XPR1: variants seen among roughly 807,000 people sequenced by gnomAD.
The protein encoded by XPR1 is solute carrier family 53 member 1.
In XPR1, 28 loss-of-function variants were observed where a neutral mutation model predicts 87.5. The ratio of observed to expected loss-of-function variants is 0.32; its 90% CI spans 0.24 to 0.44. XPR1 has a LOEUF of 0.44. XPR1 is among the 20% of genes least tolerant of loss of function. XPR1 has a pLI of 1.00. For missense variants in XPR1, 559 were observed against 862.3 expected (o/e 0.65, Z 4.41); for synonymous variants, 300 against 306.1 (o/e 0.98, Z 0.21).
intron 1 of XPR1, among the ~76,000 whole-genome samples, chr1:180,670,547 T>C (rs1656133837): frequency 6.6e-6 from 1 of 152,220 alleles, no homozygotes; most frequent in South Asian, 2.1e-4. Flanking sequence ...AAAATTACAT[T>C]TTTATATACT....
chr1:180,839,592 C>T (rs1651433808), intron 11 of XPR1, among the ~76,000 whole-genome samples: 1 of 152,016 alleles, frequency 6.6e-6, no homozygotes. Context: ...ACTCCTCTAC[C>T]CTCTTAAGTA....
At position 180,853,563 on chromosome 1, in the gene XPR1, G is replaced by T. The variant is rs144200868; in HGVS notation, c.1502-10145G>T. On this transcript the variant is annotated intron_variant, in intron 11 of 14. Transcript: ENST00000367590. ...AAGTTTGAGATCTTCCTTGTTCTTT[G>T]TATGACTAGTGATTTTTTTAATTGA... Among the ~76,000 whole-genome samples the T allele has an allele frequency of 9.6e-4, 144 of 150,314 alleles. 1 individual carries two copies. Among genetic ancestry groups the T allele is most frequent in the Middle Eastern group, 3.4e-3 (1 of 292 alleles).
intron 11 of XPR1, among the ~76,000 whole-genome samples, chr1:180,847,099 T>C (rs1651712132): frequency 6.6e-6 from 1 of 152,090 alleles, no homozygotes; most frequent in Non-Finnish European, 1.5e-5. Flanking sequence ...GAAGTAAATA[T>C]CTCCCAAAGT....
chr1:180,825,264 T>C lies in XPR1; in HGVS notation c.1054T>C (p.Tyr352His). The C allele has an allele frequency of 6.2e-7, 1 of 1,614,092 alleles. No individual in the cohort carries two copies. The highest frequency in any genetic ancestry group is 8.5e-7 in the Non-Finnish European group (1 of 1,179,978). ...CACATATGTGTATCCACTTGCCCTT[T>C]ATGGATTTATGGTTTTCTTCCTTAT... ...IPTYVYPLAL[Y>H]GFMVFFLINP... The change falls in exon 9 of 15, where the codon TAT becomes CAT. Residue 352 changes from tyrosine to histidine, a missense_variant. Physicochemically the swap from Tyr to His is moderately conservative, Grantham distance 83 (BLOSUM62 2). Transcript: ENST00000367590.
At chr1:180,856,708 A>ATTTTAG (rs1391977882) in intron 11 of XPR1, among the ~76,000 whole-genome samples, 4 of 152,140 alleles carry the variant, frequency 2.6e-5, no homozygotes, top group African/African-American at 9.7e-5. Flanking sequence ...AGTCCTGCCA[A>ATTTTAG]TTTTAGTTCC....
chr1:180,632,549 C>T (rs1440417671), intron 1 of XPR1, among the ~76,000 whole-genome samples: 2 of 152,122 alleles, frequency 1.3e-5, no homozygotes, highest in Non-Finnish European at 2.9e-5. Context: ...GGCCGGGGAA[C>T]GGTGGGAGGG....
intron 1 of XPR1, among the ~76,000 whole-genome samples, chr1:180,652,684 A>G (rs764101599): frequency 6.6e-6 from 1 of 152,236 alleles, no homozygotes; most frequent in Non-Finnish European, 1.5e-5. Flanking sequence ...TTTGATCAAG[A>G]CAAACCAAAG....
chr1:180,681,314 A>C (rs1656571358), intron 1 of XPR1, among the ~76,000 whole-genome samples: 1 of 152,186 alleles, frequency 6.6e-6, no homozygotes, highest in Non-Finnish European at 1.5e-5. Context: ...ATCACTGTGT[A>C]CCCCAGGCAT....
At chr1:180,808,288 A>C (rs539998571) in intron 6 of XPR1, among the ~76,000 whole-genome samples, 5,124 of 130,272 alleles carry the variant, frequency 0.039, 106 homozygotes, top group Non-Finnish European at 0.056. Flanking sequence ...TCCATATACC[A>C]AAAAAAAAAA....
rs1653151090 is a variant in XPR1, at chr1:180,890,272, C to T, written c.*6206C>T. 6.6e-6 allele frequency: 1 copy of T among 152,194 alleles called. No individual in the cohort carries two copies. The highest frequency in any genetic ancestry group is 6.5e-5 in the Admixed American group (1 of 15,268). The allele number at this position is 152,194 out of a possible 1,614,324, so 9.4% of individuals were successfully genotyped here. On this transcript the variant is annotated 3_prime_UTR_variant, in exon 15 of 15. Transcript: ENST00000367590. ...CAACAGTTTGCTGACTCCTTTGTCACTGGTGAATGGTTTGTGTGACTGTTT... is the reference window on the plus strand; with the variant it reads ...CAACAGTTTGCTGACTCCTTTGTCATTGGTGAATGGTTTGTGTGACTGTTT...
At chr1:180,696,024 G>A (rs1309456619) in intron 2 of XPR1, among the ~76,000 whole-genome samples, 1 of 151,694 alleles carries the variant, frequency 6.6e-6, no homozygotes, top group Non-Finnish European at 1.5e-5. Flanking sequence ...TTTGGGTAGT[G>A]TGGTCATTTT....
intron 2 of XPR1, among the ~76,000 whole-genome samples, chr1:180,684,444 T>C (rs1365165431): frequency 6.6e-6 from 1 of 152,200 alleles, no homozygotes; most frequent in Non-Finnish European, 1.5e-5. Context: ...TTTCTTCTTT[T>C]GGCTTAGGAT....
intron 9 of XPR1, among the ~76,000 whole-genome samples, chr1:180,826,336 G>GCC (rs1445403361): frequency 6.6e-6 from 1 of 151,726 alleles, no homozygotes; most frequent in African/African-American, 2.4e-5. Context: ...GATCCCTTGA[G>GCC]CCCAGGAGTT....
rs34441510 is a variant in XPR1 at position 180,718,669 on chromosome 1, A to ATTTT, written c.121+36272_121+36275dup. Among the ~76,000 whole-genome samples, 680 of 134,814 alleles carry ATTTT rather than the reference A, an allele frequency of 5.0e-3. 14 individuals are homozygous for ATTTT. The highest frequency in any genetic ancestry group is 0.017 in the African/African-American group (614 of 35,906). 88.4% of individuals were successfully genotyped at this position (134,814 alleles called of 152,430 possible). On this transcript the variant is annotated intron_variant, in intron 2 of 14. Coordinates refer to ENST00000367590, the MANE Select transcript of XPR1 (RefSeq NM_004736.4). ...AGAATCTTGGGACTTGAGCATCTGT[A>ATTTT]TTTTTTTTTTTTTTTTTGAGACAGA...
At chr1:180,711,823 G>C (rs748019480) in intron 2 of XPR1, among the ~76,000 whole-genome samples, 153 of 152,226 alleles carry the variant, frequency 1.0e-3, no homozygotes, top group Non-Finnish European at 1.7e-3. Context: ...GCATCTAAAA[G>C]CTCTGTAGTT....
At chr1:180,632,417 G>C in intron 1 of XPR1, 147 bp downstream of exon 1, 1 of 1,006,598 alleles carries the variant, frequency 9.9e-7, no homozygotes, top group Non-Finnish European at 1.5e-6. Flanking sequence ...CGGCATCCCC[G>C]CCGCGGCCGG....
At chr1:180,699,209 C>CTTTTTTTTTTT (rs1168669274) in intron 2 of XPR1, among the ~76,000 whole-genome samples, 2 of 132,584 alleles carry the variant, frequency 1.5e-5, no homozygotes, top group African/African-American at 2.8e-5. Flanking sequence ...TTTATTCTTT[C>CTTTTTTTTTTT]TTTTTTTTTT....
At chr1:180,812,171 G>A (rs888724951) in intron 7 of XPR1, among the ~76,000 whole-genome samples, 2 of 152,150 alleles carry the variant, frequency 1.3e-5, no homozygotes, top group African/African-American at 4.8e-5. Flanking sequence ...TGGTTTTCCT[G>A]TTAAATTTTA....
Position 180,659,601 on chromosome 1 carries a change from C to CG in XPR1, c.70-22759_70-22758insG, listed in dbSNP as rs1557943928. 1.9e-4 allele frequency among the ~76,000 whole-genome samples: 24 copies of CG among 127,010 alleles called. 1 individual carries two copies. The highest frequency in any genetic ancestry group is 7.0e-4 in the African/African-American group (22 of 31,626). 83.3% of individuals were successfully genotyped at this position (127,010 alleles called of 152,430 possible). On this transcript the variant is annotated intron_variant, in intron 1 of 14. Transcript: ENST00000367590. ...CCCCAGCCACCGCACCCCCACCCCC[C>CG]ACCCCCCGCCGGGTTCAAGCGATTC...
Sources: allele counts gnomAD v4.1 joint callset (sites outside exome capture counted in the v4.1 genomes callset), GRCh38; gene constraint gnomAD v4.1.1; transcripts MANE v1.5; gene names NCBI Gene and HGNC (gene_info 2026-07-23, HGNC 2026-07-21).